GALNT10: variants seen among roughly 807,000 people sequenced by gnomAD.
GALNT10 encodes GalNAc transferase 10.
Under a neutral mutation model 75.0 loss-of-function variants are expected in GALNT10, and 41 were observed. That is an observed-to-expected ratio of 0.55 (90% CI 0.43 to 0.71). The LOEUF (loss-of-function observed/expected upper bound fraction) is 0.71. Ranked by LOEUF, GALNT10 falls within the 30% of genes least tolerant of loss-of-function variation. The probability of loss-of-function intolerance (pLI) is 0.00; values close to 1 mark genes in which losing one functional copy is unlikely to be tolerated. For missense variants in GALNT10, 727 were observed against 818.5 expected (o/e 0.89, Z 1.36); for synonymous variants, 302 against 313.0 (o/e 0.96, Z 0.37).
chr5:154,408,842 G>A (rs1756336605), intron 8 of GALNT10, among the ~76,000 whole-genome samples: 1 of 152,146 alleles, frequency 6.6e-6, no homozygotes, highest in African/African-American at 2.4e-5. Context: ...AGCGAAGAAA[G>A]AATATACAGG....
intron 1 of GALNT10, among the ~76,000 whole-genome samples, chr5:154,202,181 G>A (rs1775037012): frequency 6.6e-6 from 1 of 152,190 alleles, no homozygotes; most frequent in Non-Finnish European, 1.5e-5. Flanking sequence ...GAACAGCTTA[G>A]GTCCCCCCAG....
At chr5:154,281,628 C>A (rs879574028) in intron 1 of GALNT10, among the ~76,000 whole-genome samples, 1 of 152,220 alleles carries the variant, frequency 6.6e-6, no homozygotes, top group Non-Finnish European at 1.5e-5. Flanking sequence ...TCAAGGACCT[C>A]TCCACACCCT....
At chr5:154,344,205 CTTTCTTT>C (rs1051688803) in intron 4 of GALNT10, among the ~76,000 whole-genome samples, 3 of 99,422 alleles carry the variant, frequency 3.0e-5, no homozygotes, top group Non-Finnish European at 7.2e-5. Context: ...TTCTTTCTTT[CTTTCTTT>C]TTTTTTTTTT....
intron 3 of GALNT10, among the ~76,000 whole-genome samples, chr5:154,327,966 G>C (rs965648574): frequency 1.3e-5 from 2 of 152,026 alleles, no homozygotes; most frequent in African/African-American, 2.4e-5. Flanking sequence ...AGAACTAAAG[G>C]GGGACAGACA....
At position 154,392,873 on chromosome 5, in the gene GALNT10, A is replaced by AC. The variant is rs1755931222; in HGVS notation, c.1056+6445dup. 2.0e-5 allele frequency: 3 copies of AC among 152,144 alleles called. No individual in the cohort carries two copies. The South Asian group carries it at 6.2e-4, about 32-fold the overall frequency. 9.4% of individuals were successfully genotyped at this position (152,144 alleles called of 1,614,324 possible). A position where few individuals can be genotyped will look rare whatever the true frequency, so the allele number is the denominator to read the frequency against. The stretch of plus-strand genomic sequence containing the variant: ...CATTTCAGAGCAAGCACATTCTTTG[A>AC]CCTGAAATTCCATGCCCAGGAGTTT... On this transcript the variant is annotated intron_variant, in intron 7 of 11. Coordinates refer to ENST00000297107, the MANE Select transcript of GALNT10 (RefSeq NM_198321.4).
chr5:154,377,892 T>C (rs1755681095), intron 5 of GALNT10, among the ~76,000 whole-genome samples: 1 of 152,186 alleles, frequency 6.6e-6, no homozygotes, highest in Non-Finnish European at 1.5e-5. Flanking sequence ...AATTGCCTAA[T>C]TTATAGTCCT....
At chr5:154,318,147 C>T (rs1754625500) in intron 3 of GALNT10, among the ~76,000 whole-genome samples, 1 of 152,244 alleles carries the variant, frequency 6.6e-6, no homozygotes, top group Non-Finnish European at 1.5e-5. Context: ...TCAGCTCCAC[C>T]CCAGCCCTAT....
At chr5:154,353,592 C>A (rs1442367091) in intron 4 of GALNT10, among the ~76,000 whole-genome samples, 1 of 152,236 alleles carries the variant, frequency 6.6e-6, no homozygotes. Flanking sequence ...TGCCACAAAC[C>A]AGGCCTTGGG....
At chr5:154,313,037 G>C (rs542298280) in intron 3 of GALNT10, among the ~76,000 whole-genome samples, 1 of 152,284 alleles carries the variant, frequency 6.6e-6, no homozygotes, top group East Asian at 1.9e-4. Context: ...GGCTGGGTGC[G>C]GTGGCTCATG....
At chr5:154,411,317 C>T (rs1310684186) in intron 9 of GALNT10, among the ~76,000 whole-genome samples, 1 of 152,200 alleles carries the variant, frequency 6.6e-6, no homozygotes, top group African/African-American at 2.4e-5. Context: ...AAATGGCTTC[C>T]AGAAGCTTCA....
chr5:154,324,315 G>A (rs1397164441), intron 3 of GALNT10, among the ~76,000 whole-genome samples: 1 of 152,336 alleles, frequency 6.6e-6, no homozygotes, highest in East Asian at 1.9e-4. Context: ...CCTTGCTGAA[G>A]GTTATGCCCC....
At chr5:154,230,473 G>A (rs1048967012) in intron 1 of GALNT10, among the ~76,000 whole-genome samples, 1 of 152,184 alleles carries the variant, frequency 6.6e-6, no homozygotes, top group African/African-American at 2.4e-5. Flanking sequence ...GCACAGATAA[G>A]GGGACACTGC....
chr5:154,262,242 T>C (rs1753709555), intron 1 of GALNT10, among the ~76,000 whole-genome samples: 1 of 144,276 alleles, frequency 6.9e-6, no homozygotes. Context: ...GACAGGTTGA[T>C]TTACCTGCCT....
chr5:154,284,689 C>G (rs1032746045), intron 1 of GALNT10, among the ~76,000 whole-genome samples: 2 of 152,168 alleles, frequency 1.3e-5, no homozygotes, highest in Non-Finnish European at 2.9e-5. Context: ...GTGAATTGCC[C>G]TCTTGGTACA....
intron 1 of GALNT10, among the ~76,000 whole-genome samples, chr5:154,247,306 T>G (rs905507851): frequency 6.6e-6 from 1 of 152,170 alleles, no homozygotes; most frequent in African/African-American, 2.4e-5. Context: ...CTTTTTTGGG[T>G]CCATATGAAC....
chr5:154,211,745 G>A lies in GALNT10; in HGVS notation c.159+20720G>A, dbSNP rs143154201. 1.1e-3 allele frequency among the ~76,000 whole-genome samples: 160 copies of A among 152,186 alleles called. 1 individual carries two copies. Among genetic ancestry groups the A allele is most frequent in the African/African-American group, 3.7e-3 (153 of 41,506 alleles). ...GAGCCGGTTAATCTACTTCCAAGATGGCTCACTCCCTTGGCAGCCGGAAGG... is the reference window on the plus strand; with the variant it reads ...GAGCCGGTTAATCTACTTCCAAGATAGCTCACTCCCTTGGCAGCCGGAAGG... On this transcript the variant is annotated intron_variant, in intron 1 of 11. Transcript: ENST00000297107.
chr5:154,305,894 T>C (rs1346253700), intron 3 of GALNT10, among the ~76,000 whole-genome samples: 2 of 152,128 alleles, frequency 1.3e-5, no homozygotes. Context: ...GGCACGTGCC[T>C]GTAATCCCAA....
intron 4 of GALNT10, among the ~76,000 whole-genome samples, chr5:154,341,181 C>T (rs1438574541): frequency 6.6e-6 from 1 of 152,186 alleles, no homozygotes; most frequent in African/African-American, 2.4e-5. Flanking sequence ...TTCACAGATG[C>T]AGGCTGCCTT....
chr5:154,370,842 G>C (rs767424102), intron 4 of GALNT10, among the ~76,000 whole-genome samples: 1 of 152,198 alleles, frequency 6.6e-6, no homozygotes, highest in African/African-American at 2.4e-5. Context: ...AGAGGGGCGA[G>C]CCCTAGCCAG....
Sources: gnomAD v4.1 joint callset for allele counts (sites outside exome capture counted in the v4.1 genomes callset) on GRCh38, gnomAD v4.1.1 for gene constraint, MANE v1.5 for transcripts, NCBI Gene and HGNC (gene_info 2026-07-23, HGNC 2026-07-21) for gene names.